PXYLP1: variants seen among roughly 807,000 people sequenced by gnomAD.
PXYLP1 encodes the protein 2-phosphoxylose phosphatase 1.
In PXYLP1, 17 loss-of-function variants were observed where a neutral mutation model predicts 37.9. The ratio of observed to expected loss-of-function variants is 0.45; its 90% confidence interval spans 0.31 to 0.67. The LOEUF (loss-of-function observed/expected upper bound fraction) is 0.67, where lower values mean the gene tolerates loss of function less well. Among genes scored for constraint, PXYLP1 ranks in the 30% least tolerant of loss-of-function variants. The probability of loss-of-function intolerance (pLI) is 0.07; values close to 1 mark genes in which losing one functional copy is unlikely to be tolerated. For synonymous variants in PXYLP1, 221 were observed against 232.2 expected, an observed-to-expected ratio of 0.95 and a Z score of 0.44; for missense variants, 511 against 612.0, an observed-to-expected ratio of 0.84 and a Z score of 1.74.
intron 1 of PXYLP1, among the ~76,000 whole-genome samples, chr3:141,244,889 G>T (rs1167275611): frequency 6.6e-6 from 1 of 151,642 alleles, no homozygotes; most frequent in Non-Finnish European, 1.5e-5. Flanking sequence ...TGTTTTGGTG[G>T]AGACCACCAT....
intron 1 of PXYLP1, among the ~76,000 whole-genome samples, chr3:141,246,024 C>T (rs1170433763): frequency 1.3e-5 from 2 of 152,124 alleles, no homozygotes; most frequent in Admixed American, 6.5e-5. Flanking sequence ...CTAGTTCTTC[C>T]CCCGACTGAC....
chr3:141,260,325 C>T, intron 2 of PXYLP1, 71 bp downstream of exon 2: 1 of 1,534,478 alleles, frequency 6.5e-7, no homozygotes, highest in African/African-American at 1.4e-5. Flanking sequence ...GCCCCAAAGG[C>T]TTGTTTTATA....
chr3:141,250,923 TAAAAC>T (rs1941126264), intron 1 of PXYLP1, among the ~76,000 whole-genome samples: 2 of 152,150 alleles, frequency 1.3e-5, no homozygotes, highest in South Asian at 2.1e-4. Context: ...TTATTTAAGA[TAAAAC>T]AAAAACTAAA....
chr3:141,233,463 C>CCAAAAAAA (rs1158763652), intron 1 of PXYLP1, among the ~76,000 whole-genome samples: 1 of 79,404 alleles, frequency 1.3e-5, no homozygotes. Flanking sequence ...AAAACCCTGT[C>CCAAAAAAA]AAAAAAAAAA....
intron 3 of PXYLP1, among the ~76,000 whole-genome samples, 163 bp from the exon 4 acceptor site, chr3:141,279,215 G>T (rs543994322): frequency 1.3e-5 from 2 of 152,292 alleles, no homozygotes; most frequent in South Asian, 4.1e-4. Flanking sequence ...CAGAATGGCA[G>T]CCAGGGCCCC....
intron 5 of PXYLP1, among the ~76,000 whole-genome samples, chr3:141,288,905 A>G (rs762457199): frequency 6.6e-6 from 1 of 152,350 alleles, no homozygotes; most frequent in Non-Finnish European, 1.5e-5. Flanking sequence ...CAATGAATGA[A>G]TGAATGAATG....
chr3:141,248,594 C>CGTATATATACACACAT lies in PXYLP1; in HGVS notation c.-53-11527_-53-11526insATATATACACACATGT, dbSNP rs1941030404. Reference sequence around the variant, plus strand: ...ATACACACATGTATATATACACACACGTGTATATATACACACGTATATATA... The same window carrying CGTATATATACACACAT: ...ATACACACATGTATATATACACACACGTATATATACACACATGTGTATATATACACACGTATATATA... On this transcript the variant is annotated intron_variant, in intron 1 of 5. Transcript: ENST00000286353. 5.2e-5 allele frequency among the ~76,000 whole-genome samples: 4 copies of CGTATATATACACACAT among 76,968 alleles called. 1 individual carries two copies. Among genetic ancestry groups the CGTATATATACACACAT allele is most frequent in the Non-Finnish European group, 8.4e-5 (4 of 47,662 alleles). The allele number at this position is 76,968 out of a possible 152,430, so 50.5% of individuals were successfully genotyped here.
At chr3:141,259,760 A>G (rs949626829) in intron 1 of PXYLP1, among the ~76,000 whole-genome samples, 2 of 152,234 alleles carry the variant, frequency 1.3e-5, no homozygotes, top group Non-Finnish European at 2.9e-5. Flanking sequence ...TCACAGCAAG[A>G]TGAGTCCGTG....
At chr3:141,273,254 A>G (rs1941712298) in intron 2 of PXYLP1, 1 of 985,462 alleles carries the variant, frequency 1.0e-6, no homozygotes, top group East Asian at 1.1e-4. Context: ...GGATGGCCAG[A>G]TGGACAAATG....
At chr3:141,254,677 A>G (rs1424830022) in intron 1 of PXYLP1, among the ~76,000 whole-genome samples, 3 of 150,064 alleles carry the variant, frequency 2.0e-5, no homozygotes, top group Non-Finnish European at 4.4e-5. Context: ...CCTTTGCTTG[A>G]CTCATATTTT....
intron 5 of PXYLP1, among the ~76,000 whole-genome samples, chr3:141,288,949 A>T (rs1221106055): frequency 6.6e-6 from 1 of 152,246 alleles, no homozygotes; most frequent in Non-Finnish European, 1.5e-5. Context: ...ATTACTTAAA[A>T]GTTATACCAG....
intron 1 of PXYLP1, among the ~76,000 whole-genome samples, chr3:141,253,960 G>T (rs1941201633): frequency 6.6e-6 from 1 of 151,596 alleles, no homozygotes; most frequent in African/African-American, 2.4e-5. Context: ...CACCCAGGCT[G>T]GAACGCAGTG....
At chr3:141,291,361 A>G (rs1942200236) in intron 5 of PXYLP1, among the ~76,000 whole-genome samples, 1 of 152,190 alleles carries the variant, frequency 6.6e-6, no homozygotes, top group African/African-American at 2.4e-5. Flanking sequence ...CAATGTTAAA[A>G]GTTAATTTAT....
In PXYLP1 at chr3:141,260,248, C is replaced by A; in HGVS notation, c.73C>A (p.Gln25Lys). ...GCTGGCCTTTGTGAGCCTCAGCCTGCAGTTCTGTGAGTAGAGCCGGGCCCC... is the reference window on the plus strand; with the variant it reads ...GCTGGCCTTTGTGAGCCTCAGCCTGAAGTTCTGTGAGTAGAGCCGGGCCCC... ...ALLAFVSLSL[Q>K]FFHLIPVSTP... is the part of the protein sequence containing the mutation. Residue 25 changes from glutamine to lysine, a missense_variant, in exon 2 of 6, where the codon CAG becomes AAG. Transcript: ENST00000286353. The A allele has an allele frequency of 3.1e-6, 5 of 1,612,910 alleles. No homozygotes were observed. The highest frequency in any genetic ancestry group is 1.3e-5 in the African/African-American group (1 of 75,036).
intron 1 of PXYLP1, among the ~76,000 whole-genome samples, chr3:141,240,703 G>A (rs530049822): frequency 1.3e-5 from 2 of 152,270 alleles, no homozygotes; most frequent in East Asian, 3.9e-4. Flanking sequence ...AGAATGAGTG[G>A]ATATTGAGGG....
intron 1 of PXYLP1, among the ~76,000 whole-genome samples, chr3:141,235,751 G>T (rs1423336330): frequency 1.3e-5 from 2 of 152,224 alleles, no homozygotes; most frequent in Non-Finnish European, 2.9e-5. Flanking sequence ...ATGCTGCATG[G>T]CAGCCACGAG....
At chr3:141,254,290 C>A (rs1287469795) in intron 1 of PXYLP1, among the ~76,000 whole-genome samples, 2 of 152,220 alleles carry the variant, frequency 1.3e-5, no homozygotes, top group Non-Finnish European at 1.5e-5. Flanking sequence ...TCAGCTGGGA[C>A]CTTCCATATG....
intron 4 of PXYLP1, among the ~76,000 whole-genome samples, chr3:141,281,891 G>A (rs1941964888): frequency 6.6e-6 from 1 of 152,176 alleles, no homozygotes; most frequent in South Asian, 2.1e-4. Context: ...AACTGGGTAG[G>A]AACTAGGTTA....
At chr3:141,250,333 A>G (rs1027556063) in intron 1 of PXYLP1, among the ~76,000 whole-genome samples, 5 of 152,226 alleles carry the variant, frequency 3.3e-5, no homozygotes, top group African/African-American at 1.2e-4. Context: ...GTGTTTAAAA[A>G]TAATTTTTTA....
Sources: gnomAD v4.1 joint callset for allele counts (sites outside exome capture counted in the v4.1 genomes callset) on GRCh38, gnomAD v4.1.1 for gene constraint, MANE v1.5 for transcripts, NCBI Gene and HGNC (gene_info 2026-07-23, HGNC 2026-07-21) for gene names.